The following SUMF1 variants were observed in gnomAD, a reference collection of about 807,000 sequenced individuals.
SUMF1 encodes the protein formylglycine-generating enzyme.
Under a neutral mutation model 47.6 loss-of-function variants are expected in SUMF1, and 48 were observed. That is an observed-to-expected ratio of 1.01 (90% confidence interval 0.80 to 1.28). SUMF1 has a LOEUF of 1.28. Among genes scored for constraint, SUMF1 ranks in the 50% most tolerant of loss-of-function variants. The pLI is 0.00. For synonymous variants in SUMF1, 230 were observed against 192.1 expected, an observed-to-expected ratio of 1.20 and a Z score of -1.63; for missense variants, 571 against 485.4, an observed-to-expected ratio of 1.18 and a Z score of -1.66.
intron 7 of SUMF1, among the ~76,000 whole-genome samples, chr3:4,409,943 T>C (rs943915436): frequency 6.6e-6 from 1 of 152,240 alleles, no homozygotes; most frequent in Non-Finnish European, 1.5e-5. Context: ...ATTGAGAAGA[T>C]ATTGAAGAAT....
intron 1 of SUMF1, among the ~76,000 whole-genome samples, chr3:4,465,994 CAAG>C (rs1287161700): frequency 1.3e-5 from 2 of 152,168 alleles, no homozygotes; most frequent in African/African-American, 4.8e-5. Flanking sequence ...GCTAAGTAAA[CAAG>C]AAGGAGCACT....
intron 8 of SUMF1, among the ~76,000 whole-genome samples, chr3:4,366,831 TC>T (rs1166068480): frequency 5.3e-5 from 8 of 152,082 alleles, no homozygotes; most frequent in Non-Finnish European, 8.8e-5. Context: ...CTCTGTTTTT[TC>T]CCCATCTTTG....
chr3:4,222,444 C>G (rs1037945900), intron 8 of SUMF1, among the ~76,000 whole-genome samples: 3 of 152,024 alleles, frequency 2.0e-5, no homozygotes, highest in African/African-American at 7.2e-5. Flanking sequence ...TTCACTCACA[C>G]AACCATTTTA....
intron 8 of SUMF1, among the ~76,000 whole-genome samples, chr3:4,291,681 G>A (rs1697746185): frequency 6.6e-6 from 1 of 151,996 alleles, no homozygotes. Context: ...ATAGACCTTT[G>A]GGGAAAGACG....
chr3:4,196,978 T>G (rs1695442533), intron 8 of SUMF1, among the ~76,000 whole-genome samples: 1 of 152,110 alleles, frequency 6.6e-6, no homozygotes, highest in African/African-American at 2.4e-5. Flanking sequence ...ACAGCAACCT[T>G]CCATTCTAAC....
At chr3:4,279,235 A>C (rs958509997) in intron 8 of SUMF1, among the ~76,000 whole-genome samples, 1 of 152,142 alleles carries the variant, frequency 6.6e-6, no homozygotes, top group African/African-American at 2.4e-5. Flanking sequence ...TGGTAACCTA[A>C]AATAGTTCAT....
At chr3:4,432,192 C>G (rs551895464) in intron 3 of SUMF1, among the ~76,000 whole-genome samples, 2 of 151,614 alleles carry the variant, frequency 1.3e-5, no homozygotes, top group African/African-American at 4.8e-5. Flanking sequence ...CCCAGGAACT[C>G]CAATCTCAAA....
chr3:4,141,792 T>C (rs1485659521), intron 8 of SUMF1, among the ~76,000 whole-genome samples: 1 of 152,166 alleles, frequency 6.6e-6, no homozygotes, highest in Non-Finnish European at 1.5e-5. Context: ...CAAGAGATTC[T>C]AATCATCCAG....
intron 8 of SUMF1, among the ~76,000 whole-genome samples, chr3:4,173,156 T>C (rs2125125609): frequency 6.6e-6 from 1 of 152,316 alleles, no homozygotes; most frequent in South Asian, 2.1e-4. Flanking sequence ...AAAGATGAGA[T>C]GGTTGTATAT....
intron 8 of SUMF1, among the ~76,000 whole-genome samples, chr3:4,093,446 G>A (rs557038796): frequency 7.2e-5 from 11 of 152,146 alleles, no homozygotes; most frequent in African/African-American, 2.4e-4. Context: ...TAGGAACACA[G>A]GGAGCAAGCA....
chr3:4,077,732 C>G (rs1206229603), intron 8 of SUMF1, among the ~76,000 whole-genome samples: 1 of 151,970 alleles, frequency 6.6e-6, no homozygotes, highest in South Asian at 2.1e-4. Flanking sequence ...GTGCCGCAAA[C>G]CAACATGGCA....
intron 8 of SUMF1, among the ~76,000 whole-genome samples, chr3:4,073,248 A>G (rs1431755887): frequency 2.0e-5 from 3 of 152,184 alleles, no homozygotes; most frequent in Non-Finnish European, 4.4e-5. Context: ...ATTCATAAGC[A>G]AAGGAGAAAT....
intron 8 of SUMF1, among the ~76,000 whole-genome samples, chr3:4,111,459 C>T (rs1408231788): frequency 3.9e-5 from 6 of 152,012 alleles, no homozygotes. Context: ...GTGACTCACG[C>T]CTGTAATGCC....
At chr3:4,134,415 T>A (rs561179937) in intron 8 of SUMF1, among the ~76,000 whole-genome samples, 1 of 152,106 alleles carries the variant, frequency 6.6e-6, no homozygotes, top group African/African-American at 2.4e-5. Flanking sequence ...GTTCTTTGAA[T>A]CCAATGAGAA....
chr3:4,218,517 A>C (rs1465030941), intron 8 of SUMF1, among the ~76,000 whole-genome samples: 1 of 152,132 alleles, frequency 6.6e-6, no homozygotes, highest in African/African-American at 2.4e-5. Context: ...AACACAGTAC[A>C]TTTACAAGAC....
At chr3:4,037,144 A>G (rs1198483788) in intron 9 of SUMF1, among the ~76,000 whole-genome samples, 5 of 152,216 alleles carry the variant, frequency 3.3e-5, no homozygotes, top group Admixed American at 6.5e-5. Flanking sequence ...TTGAGAGAAG[A>G]GTGATCTATT....
chr3:4,171,682 A>G (rs1694835203), intron 8 of SUMF1, among the ~76,000 whole-genome samples: 1 of 152,166 alleles, frequency 6.6e-6, no homozygotes, highest in Admixed American at 6.5e-5. Context: ...TCAAACTAAC[A>G]GCAAGTTTTA....
At chr3:4,439,985 G>A (rs1248075690) in intron 3 of SUMF1, among the ~76,000 whole-genome samples, 2 of 152,208 alleles carry the variant, frequency 1.3e-5, no homozygotes, top group East Asian at 3.9e-4. Context: ...TGTAATCCCA[G>A]CACTTTGGGA....
intron 8 of SUMF1, among the ~76,000 whole-genome samples, chr3:4,340,353 T>A (rs1351849490): frequency 1.3e-5 from 2 of 152,142 alleles, no homozygotes; most frequent in Admixed American, 6.6e-5. Context: ...CTTGGTGCCA[T>A]GTTATTTGTG....
Sources: allele counts gnomAD v4.1 joint callset (sites outside exome capture counted in the v4.1 genomes callset), GRCh38; gene constraint gnomAD v4.1.1; transcripts MANE v1.5; gene names NCBI Gene and HGNC (gene_info 2026-07-23, HGNC 2026-07-21).